CACNA1I: variants seen among roughly 807,000 people sequenced by gnomAD.
CACNA1I encodes calcium voltage-gated channel subunit alpha1 I.
In CACNA1I, 74 loss-of-function variants were observed where a neutral mutation model predicts 201.6. The ratio of observed to expected loss-of-function variants is 0.37; its 90% confidence interval spans 0.30 to 0.45. The LOEUF is 0.45. CACNA1I is among the 20% of genes least tolerant of loss of function. CACNA1I has a pLI of 1.00. For synonymous variants in CACNA1I, 1,431 were observed against 1,345.2 expected (o/e 1.06, Z -1.40); for missense variants, 2,346 against 3,138.1 (o/e 0.75, Z 6.03).
In CACNA1I at chr22:39,664,164, C is replaced by T. The variant is rs771594533; in HGVS notation, c.3666+5C>T. 6.2e-6 allele frequency: 10 copies of T among 1,611,496 alleles called. No homozygotes were observed. The highest frequency in any genetic ancestry group is 8.5e-6 in the Non-Finnish European group (10 of 1,178,700). On this transcript the variant is annotated splice_donor_5th_base_variant and intron_variant, in intron 20 of 36. Coordinates refer to ENST00000402142, the MANE Select transcript of CACNA1I (RefSeq NM_021096.4). ...GTGGGCGAGATGACATTGAAGGTAGCTCCCGGTTTCACCCGGGACCCCTGC... is the reference window on the plus strand; with the variant it reads ...GTGGGCGAGATGACATTGAAGGTAGTTCCCGGTTTCACCCGGGACCCCTGC...
chr22:39,630,155 C>T (rs1306672140), intron 4 of CACNA1I, among the ~76,000 whole-genome samples: 4 of 152,316 alleles, frequency 2.6e-5, no homozygotes, highest in Non-Finnish European at 5.9e-5. Context: ...GACTCTGCCA[C>T]CCCTTCCCTG....
In CACNA1I at chr22:39,663,863, G is replaced by T. The variant is rs753944433; in HGVS notation, c.3597+22G>T. 4 of 1,612,686 alleles carry T rather than the reference G, an allele frequency of 2.5e-6. No homozygotes were observed. The African/African-American group carries it at 5.3e-5, about 21-fold the overall frequency. On this transcript the variant is annotated intron_variant, in intron 19 of 36. Coordinates refer to ENST00000402142, the MANE Select transcript of CACNA1I (RefSeq NM_021096.4). ...CACCGTGAGTGGCTGTAGCCTTTGG[G>T]CAGGGCAGGCGCCAGGCCAAGGGAC...
At chr22:39,682,433 G>T in intron 34 of CACNA1I, 63 bp from the exon 35 acceptor site, 1 of 1,414,392 alleles carries the variant, frequency 7.1e-7, no homozygotes, top group Non-Finnish European at 9.9e-7. Context: ...CAGGTCATGA[G>T]GTACCCTTCA....
intron 3 of CACNA1I, among the ~76,000 whole-genome samples, chr22:39,613,419 C>T (rs894194272): frequency 6.6e-6 from 1 of 152,166 alleles, no homozygotes; most frequent in Admixed American, 6.5e-5. Flanking sequence ...TGGAGAGGGC[C>T]TCATGTGATT....
intron 1 of CACNA1I, among the ~76,000 whole-genome samples, chr22:39,572,254 G>A (rs1020104820): frequency 9.9e-5 from 15 of 152,044 alleles, no homozygotes; most frequent in African/African-American, 3.6e-4. Flanking sequence ...GAGGAGGCTT[G>A]GGGACCCAAG....
chr22:39,582,161 A>G (rs577801414), intron 1 of CACNA1I, among the ~76,000 whole-genome samples: 28 of 152,174 alleles, frequency 1.8e-4, no homozygotes, highest in Non-Finnish European at 3.5e-4. Flanking sequence ...TCACAGTGAA[A>G]GGATGATTAT....
chr22:39,615,930 C>T (rs931590694), intron 3 of CACNA1I, among the ~76,000 whole-genome samples: 5 of 152,096 alleles, frequency 3.3e-5, no homozygotes, highest in Non-Finnish European at 7.4e-5. Flanking sequence ...CCTTTTTTGA[C>T]TTGGTTGCCA....
At chr22:39,621,287 C>T (rs949762463) in intron 4 of CACNA1I, among the ~76,000 whole-genome samples, 2 of 152,218 alleles carry the variant, frequency 1.3e-5, no homozygotes, top group Admixed American at 1.3e-4. Context: ...CTTCTGTTTC[C>T]CCATCTGCCA....
intron 1 of CACNA1I, among the ~76,000 whole-genome samples, chr22:39,574,143 A>C (rs1472649654): frequency 6.6e-6 from 1 of 152,206 alleles, no homozygotes; most frequent in Non-Finnish European, 1.5e-5. Context: ...CTTCTGCGAC[A>C]GTCTAAGGGT....
chr22:39,625,722 A>C lies in CACNA1I; in HGVS notation c.580+6315A>C, dbSNP rs78990602. On this transcript the variant is annotated intron_variant, in intron 4 of 36. Coordinates refer to ENST00000402142, the MANE Select transcript of CACNA1I (RefSeq NM_021096.4). Reference sequence around the variant, plus strand: ...TTGGGGAGGGAGGAAGGAAGCGCCAAATTAGGAGTTGGGAGTCTGGGTTCT... The same window carrying C: ...TTGGGGAGGGAGGAAGGAAGCGCCACATTAGGAGTTGGGAGTCTGGGTTCT... Among the ~76,000 whole-genome samples the C allele has an allele frequency of 8.8e-3, 1,335 of 152,056 alleles. 17 individuals are homozygous for C. The highest frequency in any genetic ancestry group is 0.027 in the African/African-American group (1,134 of 41,450).
At position 39,659,647 on chromosome 22, in the gene CACNA1I, C is replaced by G. The variant is rs764749402; in HGVS notation, c.2449-50C>G. ...ACAACTCCCATGCCTCCTTGTAGAG[C>G]CTAGCCCTGGACTAGGGGTACCCCA... On this transcript the variant is annotated intron_variant, in intron 13 of 36. Coordinates refer to ENST00000402142, the MANE Select transcript of CACNA1I (RefSeq NM_021096.4). The surrounding 1 kb of genome is among the most constrained non-coding windows in gnomAD (Gnocchi z 4.3). 1 of 1,609,438 alleles carries G rather than the reference C, an allele frequency of 6.2e-7. No individual in the cohort carries two copies. The highest frequency in any genetic ancestry group is 2.2e-5 in the East Asian group (1 of 44,822).
chr22:39,593,641 G>A (rs1932847864), intron 1 of CACNA1I, among the ~76,000 whole-genome samples: 1 of 152,180 alleles, frequency 6.6e-6, no homozygotes, highest in Non-Finnish European at 1.5e-5. Flanking sequence ...GCTTGGGAGG[G>A]TGATGGGGAG....
intron 5 of CACNA1I, among the ~76,000 whole-genome samples, chr22:39,637,535 A>G (rs2146415840): frequency 6.6e-6 from 1 of 152,284 alleles, no homozygotes; most frequent in South Asian, 2.1e-4. Flanking sequence ...TATTTACCCA[A>G]AAAAGGGATG....
At chr22:39,668,244 GTCAC>G in intron 23 of CACNA1I, 44 bp from the exon 24 acceptor site, 1 of 1,152,590 alleles carries the variant, frequency 8.7e-7, no homozygotes, top group Non-Finnish European at 1.3e-6. Flanking sequence ...TGCAGCTGGA[GTCAC>G]TCACAGTCCT....
rs1935523902 is a variant in CACNA1I, at chr22:39,676,765, A to G, written c.4855-576A>G. ...CCTGCTCTTGAAGATTTCCCAGACC[A>G]GCAGATGACAGTGACAGGGATAAGT... On this transcript the variant is annotated intron_variant, in intron 29 of 36. Coordinates refer to ENST00000402142, the MANE Select transcript of CACNA1I (RefSeq NM_021096.4). This position sits in a 1 kb window ranked among gnomAD's most constrained non-coding sequence, Gnocchi z 4.8. Among the ~76,000 whole-genome samples, 1 of 152,168 alleles carries G rather than the reference A, an allele frequency of 6.6e-6. No homozygotes were observed. Among genetic ancestry groups the G allele is most frequent in the Non-Finnish European group, 1.5e-5 (1 of 68,028 alleles).
chr22:39,637,972 C>G (rs1019569419), intron 5 of CACNA1I, among the ~76,000 whole-genome samples: 1 of 151,932 alleles, frequency 6.6e-6, no homozygotes, highest in Non-Finnish European at 1.5e-5. Context: ...CTCACTCTAT[C>G]GCCTAGGCTG....
At chr22:39,644,287 C>T (rs1222719955) in intron 7 of CACNA1I, among the ~76,000 whole-genome samples, 1 of 152,108 alleles carries the variant, frequency 6.6e-6, no homozygotes, top group Admixed American at 6.5e-5. Context: ...GCTAAGGGTA[C>T]AGTTGGGGTA....
intron 10 of CACNA1I, among the ~76,000 whole-genome samples, chr22:39,653,084 G>T (rs136839): frequency 0.094 from 9,148 of 97,196 alleles, 152 homozygotes; most frequent in African/African-American, 0.18. Context: ...GGTGCACGGA[G>T]CCCCCCACAC....
intron 1 of CACNA1I, among the ~76,000 whole-genome samples, chr22:39,579,412 C>T (rs2145802977): frequency 6.6e-6 from 1 of 152,342 alleles, no homozygotes; most frequent in South Asian, 2.1e-4. Context: ...CCCTAGCCCG[C>T]TTATGGCTGG....
Sources: gnomAD v4.1 joint callset for allele counts (sites outside exome capture counted in the v4.1 genomes callset) on GRCh38, gnomAD v4.1.1 for gene constraint, Gnocchi (gnomAD v3.1) non-coding constraint, MANE v1.5 for transcripts, NCBI Gene and HGNC (gene_info 2026-07-23, HGNC 2026-07-21) for gene names.